LSAMP: variants seen among roughly 807,000 people sequenced by gnomAD.
LSAMP encodes limbic system-associated membrane protein.
Under a neutral mutation model 38.6 loss-of-function variants are expected in LSAMP, and 7 were observed. The observed-to-expected ratio is 0.18, with a 90% CI of 0.10 to 0.34. The LOEUF (loss-of-function observed/expected upper bound fraction) is 0.34. Ranked by LOEUF, LSAMP falls within the 10% of genes least tolerant of loss-of-function variation. The pLI is 1.00. For missense variants in LSAMP, 313 were observed against 420.0 expected, an observed-to-expected ratio of 0.75 and a Z score of 2.23; for synonymous variants, 154 against 166.8, an observed-to-expected ratio of 0.92 and a Z score of 0.59.
At chr3:116,316,990 G>A (rs1350367093) in intron 1 of LSAMP, among the ~76,000 whole-genome samples, 1 of 152,048 alleles carries the variant, frequency 6.6e-6, no homozygotes, top group Non-Finnish European at 1.5e-5. Context: ...TGGATTTCCC[G>A]GCTTGAGTGG....
chr3:115,853,090 A>ATAT (rs1231999695), intron 3 of LSAMP, among the ~76,000 whole-genome samples: 1 of 152,214 alleles, frequency 6.6e-6, no homozygotes, highest in Non-Finnish European at 1.5e-5. Context: ...CTCTGAGGGG[A>ATAT]TATAGCACCA....
At chr3:116,318,182 T>C (rs1434194184) in intron 1 of LSAMP, among the ~76,000 whole-genome samples, 2 of 151,698 alleles carry the variant, frequency 1.3e-5, no homozygotes, top group Non-Finnish European at 2.9e-5. Flanking sequence ...TGCACTCTTA[T>C]CTCTGATCAT....
intron 1 of LSAMP, among the ~76,000 whole-genome samples, chr3:116,184,053 C>A (rs1054804003): frequency 4.0e-5 from 6 of 151,584 alleles, no homozygotes; most frequent in African/African-American, 1.5e-4. Context: ...AGTACAGATA[C>A]GAAAGTTGAA....
chr3:115,931,850 A>G (rs1446733510), intron 3 of LSAMP, among the ~76,000 whole-genome samples: 2 of 152,184 alleles, frequency 1.3e-5, no homozygotes, highest in East Asian at 1.9e-4. Context: ...TCCAAAACAA[A>G]GGACGAGTAA....
At chr3:116,199,906 T>C (rs1476640335) in intron 1 of LSAMP, among the ~76,000 whole-genome samples, 1 of 152,056 alleles carries the variant, frequency 6.6e-6, no homozygotes, top group African/African-American at 2.4e-5. Context: ...GATGTTTATA[T>C]TGGGTGGCAG....
chr3:115,993,709 A>T (rs9683190), intron 3 of LSAMP, among the ~76,000 whole-genome samples: 47 of 152,162 alleles, frequency 3.1e-4, no homozygotes, highest in Admixed American at 6.6e-4. Flanking sequence ...TTTAAAAAAA[A>T]TTTTTTTAAG....
intron 1 of LSAMP, among the ~76,000 whole-genome samples, chr3:116,367,053 G>C (rs1049700457): frequency 2.9e-4 from 44 of 152,078 alleles, no homozygotes; most frequent in African/African-American, 9.9e-4. Flanking sequence ...CTTCTAATTG[G>C]CATGTTAGAC....
chr3:116,281,509 G>T (rs954166924), intron 1 of LSAMP, among the ~76,000 whole-genome samples: 14 of 152,140 alleles, frequency 9.2e-5, no homozygotes, highest in Non-Finnish European at 2.1e-4. Context: ...TAGTTAGAAG[G>T]TGCATTAAAC....
intron 1 of LSAMP, among the ~76,000 whole-genome samples, chr3:116,191,136 T>C (rs1435355368): frequency 6.6e-6 from 1 of 152,134 alleles, no homozygotes; most frequent in Non-Finnish European, 1.5e-5. Flanking sequence ...GGCAGGAGAA[T>C]GGCCTGAACC....
chr3:116,440,405 T>C (rs928112364), intron 1 of LSAMP, among the ~76,000 whole-genome samples: 2 of 152,192 alleles, frequency 1.3e-5, no homozygotes, highest in Admixed American at 6.5e-5. Flanking sequence ...CACCAGTGAC[T>C]CAGTGGATGA....
At chr3:116,019,276 T>C (rs1940571680) in intron 3 of LSAMP, among the ~76,000 whole-genome samples, 1 of 151,996 alleles carries the variant, frequency 6.6e-6, no homozygotes, top group Non-Finnish European at 1.5e-5. Flanking sequence ...AGTACAATGA[T>C]TGTAAACTTT....
At chr3:115,902,754 T>G (rs528434282) in intron 3 of LSAMP, among the ~76,000 whole-genome samples, 10 of 151,992 alleles carry the variant, frequency 6.6e-5, no homozygotes, top group Non-Finnish European at 1.2e-4. Flanking sequence ...CTCAACATCA[T>G]TGGTCATCAG....
At chr3:116,169,070 T>C (rs1464776618) in intron 1 of LSAMP, among the ~76,000 whole-genome samples, 1 of 152,154 alleles carries the variant, frequency 6.6e-6, no homozygotes, top group Non-Finnish European at 1.5e-5. Flanking sequence ...CTGCATGTGA[T>C]GGCACATGGC....
At chr3:116,355,477 T>C (rs1000173442) in intron 1 of LSAMP, among the ~76,000 whole-genome samples, 4 of 152,152 alleles carry the variant, frequency 2.6e-5, no homozygotes, top group South Asian at 4.1e-4. Flanking sequence ...CCTGAAACTA[T>C]GAAATTACTA....
chr3:115,904,781 G>A (rs752556261), intron 3 of LSAMP, among the ~76,000 whole-genome samples: 2 of 151,992 alleles, frequency 1.3e-5, no homozygotes, highest in Non-Finnish European at 2.9e-5. Context: ...TTCCAACCTC[G>A]TAATTTACCA....
At chr3:116,421,344 T>C (rs1576211560) in intron 1 of LSAMP, among the ~76,000 whole-genome samples, 1 of 151,638 alleles carries the variant, frequency 6.6e-6, no homozygotes, top group African/African-American at 2.4e-5. Flanking sequence ...CTGAGGCGGG[T>C]GGATCACCTG....
At chr3:115,899,454 G>C (rs1425648996) in intron 3 of LSAMP, among the ~76,000 whole-genome samples, 2 of 152,056 alleles carry the variant, frequency 1.3e-5, no homozygotes, top group African/African-American at 4.8e-5. Flanking sequence ...ACTTTCCTTG[G>C]TGAATAAGAG....
At chr3:116,328,396 T>G (rs2047803778) in intron 1 of LSAMP, among the ~76,000 whole-genome samples, 1 of 152,208 alleles carries the variant, frequency 6.6e-6, no homozygotes, top group Non-Finnish European at 1.5e-5. Context: ...GAAATGCAAG[T>G]GTGTTTACAC....
intron 1 of LSAMP, among the ~76,000 whole-genome samples, chr3:116,183,397 T>A (rs2107572213): frequency 6.6e-6 from 1 of 151,936 alleles, no homozygotes; most frequent in South Asian, 2.1e-4. Flanking sequence ...GGTTTTTAAC[T>A]TGTGGGAATA....
Sources: gnomAD v4.1 joint callset for allele counts (sites outside exome capture counted in the v4.1 genomes callset) on GRCh38, gnomAD v4.1.1 for gene constraint, MANE v1.5 for transcripts, NCBI Gene and HGNC (gene_info 2026-07-23, HGNC 2026-07-21) for gene names.